Variants in DEK observed in about 807,000 individuals in gnomAD.
The protein encoded by DEK is protein DEK.
A neutral mutation model predicts 46.8 loss-of-function variants in DEK; 28 were observed. That is an observed-to-expected ratio of 0.60 (90% CI 0.44 to 0.82). DEK has a LOEUF of 0.82. DEK is among the 40% of genes least tolerant of loss of function. The pLI is 0.00. For synonymous variants in DEK, 160 were observed against 144.5 expected, an observed-to-expected ratio of 1.11 and a Z score of -0.77; for missense variants, 416 against 430.6, an observed-to-expected ratio of 0.97 and a Z score of 0.30.
intron 7 of DEK, among the ~76,000 whole-genome samples, chr6:18,248,970 C>T (rs1017298939): frequency 6.6e-6 from 1 of 151,660 alleles, no homozygotes; most frequent in Non-Finnish European, 1.5e-5. Flanking sequence ...TACAGTCTAC[C>T]AAAACATCAT....
chr6:18,251,351 T>C (rs914760414), intron 6 of DEK, among the ~76,000 whole-genome samples: 1 of 152,190 alleles, frequency 6.6e-6, no homozygotes, highest in Non-Finnish European at 1.5e-5. Context: ...GACAGGTCCT[T>C]TACCTCCCAG....
chr6:18,260,952 C>G (rs1791830856), intron 2 of DEK, among the ~76,000 whole-genome samples: 1 of 147,568 alleles, frequency 6.8e-6, no homozygotes, highest in Non-Finnish European at 1.5e-5. Context: ...TGTTACTGCA[C>G]TCCAGCCTGG....
intron 4 of DEK, 125 bp from the exon 5 acceptor site, chr6:18,256,580 A>C (rs1423923325): frequency 1.5e-6 from 1 of 664,274 alleles, no homozygotes; most frequent in African/African-American, 1.9e-5. Context: ...ATACTGGCTG[A>C]ACAGTCAACC....
chr6:18,232,524 T>C (rs1384865034), intron 9 of DEK, among the ~76,000 whole-genome samples: 1 of 152,168 alleles, frequency 6.6e-6, no homozygotes, highest in Non-Finnish European at 1.5e-5. Flanking sequence ...AGTCTCAGGA[T>C]ACAAAATCAA....
At chr6:18,229,813 T>C (rs1271061294) in intron 9 of DEK, among the ~76,000 whole-genome samples, 1 of 152,290 alleles carries the variant, frequency 6.6e-6, no homozygotes, top group Non-Finnish European at 1.5e-5. Flanking sequence ...TTCAGGATAT[T>C]ATCCAGGAGA....
chr6:18,253,477 C>T (rs1791480522), intron 6 of DEK, among the ~76,000 whole-genome samples: 1 of 152,132 alleles, frequency 6.6e-6, no homozygotes, highest in Admixed American at 6.5e-5. Context: ...AAAACGTCAA[C>T]ATTTGGAAGA....
chr6:18,228,595 G>A (rs566744378), intron 9 of DEK, among the ~76,000 whole-genome samples: 131 of 152,314 alleles, frequency 8.6e-4, no homozygotes, highest in African/African-American at 2.9e-3. Flanking sequence ...CCTGGGAAGC[G>A]CAAGGGGTCA....
Position 18,249,682 on chromosome 6 carries a change from G to C in DEK, c.731C>G (p.Ser244Ter). 1 of 1,596,684 alleles carries C rather than the reference G, an allele frequency of 6.3e-7. No individual in the cohort carries two copies. Among genetic ancestry groups the C allele is most frequent in the Non-Finnish European group, 8.5e-7 (1 of 1,174,968 alleles). ...EDEKKNKEES[S>*]DDEDKESEEE... ...TTCACTTTCTTTATCTTCATCATCT[G>C]AAGACTCTTCCTTGTTTTTCTTTTC... The change falls in exon 7 of 11, where the codon TCA becomes TGA. Residue 244 changes from serine (S) to a stop codon, truncating the protein, a stop_gained. Transcript: ENST00000652689. LOFTEE classifies it high-confidence loss of function.
chr6:18,225,712 C>T lies in DEK; in HGVS notation c.*7G>A. ...ATGGGAACGAGTCATCTTCTCTGTC[C>T]TCTATCTCAAGAAATTAGCTGTAAT... is the stretch of plus-strand genomic sequence containing the variant. On this transcript the variant is annotated 3_prime_UTR_variant, in exon 11 of 11. Transcript: ENST00000652689. The T allele has an allele frequency of 6.2e-7, 1 of 1,612,892 alleles. No homozygotes were observed. The highest frequency in any genetic ancestry group is 8.5e-7 in the Non-Finnish European group (1 of 1,179,290).
At chr6:18,240,273 GATA>G (rs1193794169) in intron 7 of DEK, among the ~76,000 whole-genome samples, 1 of 152,188 alleles carries the variant, frequency 6.6e-6, no homozygotes, top group East Asian at 1.9e-4. Context: ...TGCTGTAAAG[GATA>G]ATGTTCTACA....
chr6:18,249,396 G>C (rs1791265446), intron 7 of DEK, among the ~76,000 whole-genome samples: 1 of 152,088 alleles, frequency 6.6e-6, no homozygotes, highest in Admixed American at 6.5e-5. Context: ...ATCTACTCTA[G>C]TCTTCAACGT....
At chr6:18,262,475 G>A (rs368393900) in intron 2 of DEK, among the ~76,000 whole-genome samples, 12 of 152,118 alleles carry the variant, frequency 7.9e-5, no homozygotes, top group African/African-American at 2.7e-4. Flanking sequence ...AACTATTAGG[G>A]GATAAAATTT....
At chr6:18,238,469 C>T (rs532448601) in intron 7 of DEK, among the ~76,000 whole-genome samples, 46 of 151,800 alleles carry the variant, frequency 3.0e-4, no homozygotes, top group African/African-American at 9.4e-4. Flanking sequence ...GAGGTCAAGG[C>T]GGGCGGATCA....
At chr6:18,244,051 T>TTA (rs1582274178) in intron 7 of DEK, among the ~76,000 whole-genome samples, 1 of 152,158 alleles carries the variant, frequency 6.6e-6, no homozygotes, top group Non-Finnish European at 1.5e-5. Context: ...ATAATAAAAA[T>TTA]TATATGGCAT....
At chr6:18,255,570 T>C (rs987211333) in intron 6 of DEK, among the ~76,000 whole-genome samples, 161 bp downstream of exon 6, 1 of 152,242 alleles carries the variant, frequency 6.6e-6, no homozygotes, top group Non-Finnish European at 1.5e-5. Flanking sequence ...ATCTATATTA[T>C]TTCTATCAGG....
intron 7 of DEK, among the ~76,000 whole-genome samples, chr6:18,245,299 G>A (rs955346528): frequency 2.6e-5 from 4 of 152,238 alleles, no homozygotes; most frequent in East Asian, 1.9e-4. Flanking sequence ...GATCAGGAAA[G>A]GACAGTACCC....
chr6:18,243,851 T>A (rs1238311708), intron 7 of DEK, among the ~76,000 whole-genome samples: 2 of 152,054 alleles, frequency 1.3e-5, no homozygotes, highest in Non-Finnish European at 2.9e-5. Flanking sequence ...ACAAAAAATT[T>A]AAAAATTGCT....
At chr6:18,231,482 TAAGAA>T (rs1237535918) in intron 9 of DEK, among the ~76,000 whole-genome samples, 4 of 150,596 alleles carry the variant, frequency 2.7e-5, no homozygotes, top group Admixed American at 1.3e-4. Flanking sequence ...GCAAGACTAA[TAAGAA>T]AAGAGAGAAG....
intron 6 of DEK, among the ~76,000 whole-genome samples, chr6:18,250,777 G>A (rs2151089739): frequency 6.6e-6 from 1 of 151,534 alleles, no homozygotes; most frequent in South Asian, 2.1e-4. Flanking sequence ...ATACAGGCAT[G>A]AGCCACCACG....
Sources: allele counts gnomAD v4.1 joint callset (sites outside exome capture counted in the v4.1 genomes callset), GRCh38; gene constraint gnomAD v4.1.1; transcripts MANE v1.5; gene names NCBI Gene and HGNC (gene_info 2026-07-23, HGNC 2026-07-21).